Variants in MTHFD2L observed in about 807,000 individuals in gnomAD.
MTHFD2L encodes the protein methylenetetrahydrofolate dehydrogenase (NADP+ dependent) 2 like.
MTHFD2L carries 29 observed loss-of-function variants against 34.9 expected under a neutral mutation model. The observed-to-expected ratio is 0.83, with a 90% confidence interval of 0.62 to 1.13. The LOEUF (loss-of-function observed/expected upper bound fraction) is 1.13. MTHFD2L is among the 50% of genes most tolerant of loss of function. The pLI is 0.00. For missense variants in MTHFD2L, 481 were observed against 446.5 expected, an observed-to-expected ratio of 1.08 and a Z score of -0.70; for synonymous variants, 167 against 155.7, an observed-to-expected ratio of 1.07 and a Z score of -0.54.
At chr4:74,158,441 G>A (rs1412452237) in intron 1 of MTHFD2L, 160 bp downstream of exon 1, 10 of 410,202 alleles carry the variant, frequency 2.4e-5, no homozygotes, top group Non-Finnish European at 2.7e-5. Flanking sequence ...CTTGCCGGTC[G>A]CGCGGGCGAG....
chr4:74,188,909 G>T (rs185956916), intron 3 of MTHFD2L, among the ~76,000 whole-genome samples: 1 of 151,452 alleles, frequency 6.6e-6, no homozygotes, highest in East Asian at 1.9e-4. Context: ...CAATAAAGCT[G>T]TTTATCAAAA....
At chr4:74,122,872 T>A (rs1160880565), upstream of MTHFD2L, among the ~76,000 whole-genome samples, 3 of 152,204 alleles carry the variant, frequency 2.0e-5, no homozygotes, top group Non-Finnish European at 4.4e-5. Flanking sequence ...TTTTGATAGT[T>A]GTATTCTGCT....
intron 7 of MTHFD2L, among the ~76,000 whole-genome samples, chr4:74,291,340 A>G (rs901251797): frequency 2.0e-5 from 3 of 151,834 alleles, no homozygotes; most frequent in African/African-American, 7.3e-5. Context: ...TCTGTCCCAC[A>G]CCAAATTTCA....
chr4:74,125,175 C>T (rs890444873), upstream of MTHFD2L, among the ~76,000 whole-genome samples: 3 of 152,112 alleles, frequency 2.0e-5, no homozygotes, highest in African/African-American at 7.2e-5. Context: ...TAGGAATTAG[C>T]ATGAGTGAAG....
intron 3 of MTHFD2L, among the ~76,000 whole-genome samples, chr4:74,191,182 C>T (rs1048756896): frequency 1.3e-5 from 2 of 152,122 alleles, no homozygotes; most frequent in Non-Finnish European, 2.9e-5. Flanking sequence ...ATTACAGCTT[C>T]CTGAAGTGTT....
rs1170417278 is a variant in MTHFD2L, at chr4:74,302,646, T to C, written c.*837T>C. 1 of 152,186 alleles carries C rather than the reference T, an allele frequency of 6.6e-6. No homozygotes were observed. Among genetic ancestry groups the C allele is most frequent in the South Asian group, 2.1e-4 (1 of 4,826 alleles). The allele number at this position is 152,186 out of a possible 1,614,324, so 9.4% of individuals were successfully genotyped here. On this transcript the variant is annotated 3_prime_UTR_variant, in exon 8 of 8. Coordinates refer to ENST00000325278, the MANE Select transcript of MTHFD2L (RefSeq NM_001144978.3). ...AAGTAAACAGAAAAAACTAAAGTTG[T>C]ATTTTCCCACAAATATAGTATGAAT...
intron 1 of MTHFD2L, among the ~76,000 whole-genome samples, chr4:74,146,541 C>T (rs1411085836): frequency 1.3e-5 from 2 of 152,076 alleles, no homozygotes; most frequent in Non-Finnish European, 2.9e-5. Flanking sequence ...AACCTGGGAG[C>T]CACCATTCTA....
At chr4:74,236,753 T>C (rs1366215400) in intron 6 of MTHFD2L, among the ~76,000 whole-genome samples, 1 of 152,256 alleles carries the variant, frequency 6.6e-6, no homozygotes, top group Non-Finnish European at 1.5e-5. Context: ...AAATCATATT[T>C]TAACTTTTAT....
At chr4:74,221,520 G>C (rs1220150176) in intron 5 of MTHFD2L, among the ~76,000 whole-genome samples, 2 of 150,964 alleles carry the variant, frequency 1.3e-5, no homozygotes, top group East Asian at 3.9e-4. Flanking sequence ...GTGCCTCTTT[G>C]TTTTATTTAG....
intron 6 of MTHFD2L, among the ~76,000 whole-genome samples, chr4:74,243,333 C>T (rs1741971491): frequency 6.6e-6 from 1 of 152,126 alleles, no homozygotes; most frequent in Non-Finnish European, 1.5e-5. Context: ...TGCAGGTTAT[C>T]TTTGTACTCC....
intron 5 of MTHFD2L, among the ~76,000 whole-genome samples, chr4:74,211,012 T>A (rs1020439831): frequency 5.9e-5 from 9 of 152,192 alleles, no homozygotes; most frequent in Non-Finnish European, 8.8e-5. Flanking sequence ...GGAATGCTTG[T>A]TATTTTTACA....
At chr4:74,237,888 T>G (rs1416482243) in intron 6 of MTHFD2L, among the ~76,000 whole-genome samples, 1 of 152,172 alleles carries the variant, frequency 6.6e-6, no homozygotes, top group African/African-American at 2.4e-5. Context: ...ATGAAAAAAC[T>G]AGAAAATACC....
chr4:74,287,640 A>G (rs907828771), intron 7 of MTHFD2L, among the ~76,000 whole-genome samples: 2 of 152,156 alleles, frequency 1.3e-5, no homozygotes, highest in East Asian at 1.9e-4. Context: ...CCAGCTACTC[A>G]GGAGGCTGAT....
intron 6 of MTHFD2L, among the ~76,000 whole-genome samples, chr4:74,260,914 T>A (rs78007920): frequency 8.3e-5 from 11 of 133,252 alleles, no homozygotes; most frequent in East Asian, 2.1e-4. Context: ...TGTGTTTTTT[T>A]AAAAAAAACA....
chr4:74,278,972 C>T (rs1449101021), intron 6 of MTHFD2L, among the ~76,000 whole-genome samples: 1 of 152,050 alleles, frequency 6.6e-6, no homozygotes, highest in Non-Finnish European at 1.5e-5. Context: ...ATTTAGCTAC[C>T]TATGACTCTA....
intron 6 of MTHFD2L, among the ~76,000 whole-genome samples, chr4:74,250,421 T>C (rs1404605897): frequency 2.0e-5 from 3 of 152,248 alleles, no homozygotes; most frequent in East Asian, 3.9e-4. Context: ...TATTTATTTG[T>C]ATGGTTACTG....
At chr4:74,283,757 G>T (rs917410190) in intron 7 of MTHFD2L, among the ~76,000 whole-genome samples, 1 of 152,020 alleles carries the variant, frequency 6.6e-6, no homozygotes, top group Non-Finnish European at 1.5e-5. Flanking sequence ...CTGATTCATG[G>T]AGCAAGAGTA....
upstream of MTHFD2L, among the ~76,000 whole-genome samples, chr4:74,118,741 C>T (rs1016123621): frequency 3.3e-5 from 5 of 152,140 alleles, no homozygotes; most frequent in African/African-American, 1.2e-4. Context: ...GGAACCATGC[C>T]ACACAGCAGG....
chr4:74,295,067 G>A (rs1359146849), intron 7 of MTHFD2L, among the ~76,000 whole-genome samples: 1 of 152,012 alleles, frequency 6.6e-6, no homozygotes, highest in African/African-American at 2.4e-5. Flanking sequence ...TCCTAAATAT[G>A]TAAATAGCCA....
Sources: gnomAD v4.1 joint callset for allele counts (sites outside exome capture counted in the v4.1 genomes callset) on GRCh38, gnomAD v4.1.1 for gene constraint, MANE v1.5 for transcripts, NCBI Gene and HGNC (gene_info 2026-07-23, HGNC 2026-07-21) for gene names.